The following DCLK1 variants were observed in gnomAD, a reference collection of about 807,000 sequenced individuals.
DCLK1 encodes the protein serine/threonine-protein kinase DCLK1.
Under a neutral mutation model 86.2 loss-of-function variants are expected in DCLK1, and 16 were observed. The ratio of observed to expected loss-of-function variants is 0.19; its 90% confidence interval spans 0.13 to 0.28. The LOEUF is 0.28. DCLK1 is among the 10% of genes least tolerant of loss of function. DCLK1 has a pLI of 1.00. For synonymous variants in DCLK1, 369 were observed against 370.5 expected, an observed-to-expected ratio of 1.00 and a Z score of 0.05; for missense variants, 590 against 940.2, an observed-to-expected ratio of 0.63 and a Z score of 4.87.
intron 11 of DCLK1, among the ~76,000 whole-genome samples, chr13:35,812,148 A>G (rs1341739686): frequency 6.6e-6 from 1 of 152,222 alleles, no homozygotes; most frequent in East Asian, 1.9e-4. Flanking sequence ...CTTTAATTCC[A>G]GCCACGATCA....
intron 4 of DCLK1, among the ~76,000 whole-genome samples, chr13:35,896,684 C>A (rs1302204310): frequency 6.6e-6 from 1 of 151,626 alleles, no homozygotes; most frequent in East Asian, 1.9e-4. Context: ...AGAAATCATT[C>A]CCTCGTGTCT....
At chr13:36,036,494 C>T (rs1417427000) in intron 3 of DCLK1, among the ~76,000 whole-genome samples, 2 of 152,134 alleles carry the variant, frequency 1.3e-5, no homozygotes, top group South Asian at 2.1e-4. Context: ...AACGGCAAGT[C>T]GAATAAATAC....
intron 4 of DCLK1, among the ~76,000 whole-genome samples, chr13:35,873,026 A>T (rs1360172553): frequency 6.6e-6 from 1 of 152,112 alleles, no homozygotes; most frequent in African/African-American, 2.4e-5. Context: ...TCCCCTATTG[A>T]TAGAAAGTCA....
At chr13:35,834,466 C>T (rs1284524911) in intron 8 of DCLK1, among the ~76,000 whole-genome samples, 5 of 152,196 alleles carry the variant, frequency 3.3e-5, no homozygotes, top group Non-Finnish European at 7.3e-5. Context: ...TCTTACCTGA[C>T]TGACCTTGGG....
At chr13:36,067,488 G>A (rs1453159526) in intron 3 of DCLK1, among the ~76,000 whole-genome samples, 2 of 148,476 alleles carry the variant, frequency 1.3e-5, no homozygotes, top group African/African-American at 4.9e-5. Context: ...CAGCACACCA[G>A]CATGGCACAT....
intron 5 of DCLK1, among the ~76,000 whole-genome samples, chr13:35,870,106 T>C (rs1053590344): frequency 3.3e-5 from 5 of 152,186 alleles, no homozygotes; most frequent in African/African-American, 1.2e-4. Context: ...GCAAACAAGA[T>C]GCATCTCAAG....
intron 4 of DCLK1, among the ~76,000 whole-genome samples, chr13:35,879,566 C>T (rs1036673302): frequency 1.3e-5 from 2 of 152,164 alleles, no homozygotes; most frequent in East Asian, 1.9e-4. Flanking sequence ...GAGGGATAGG[C>T]GGTTTAGCTC....
intron 4 of DCLK1, among the ~76,000 whole-genome samples, chr13:35,931,593 T>C (rs1343231731): frequency 2.0e-5 from 3 of 152,138 alleles, no homozygotes; most frequent in Non-Finnish European, 4.4e-5. Flanking sequence ...TATGTTCTGT[T>C]CTAGGTGCCA....
intron 15 of DCLK1, 111 bp from the exon 16 acceptor site, chr13:35,793,590 A>G: frequency 1.3e-6 from 1 of 766,862 alleles, no homozygotes; most frequent in Non-Finnish European, 2.1e-6. Flanking sequence ...ATAAGATGTC[A>G]GAAATAAACC....
intron 4 of DCLK1, among the ~76,000 whole-genome samples, chr13:35,935,182 G>A (rs762291202): frequency 6.6e-6 from 1 of 152,152 alleles, no homozygotes; most frequent in Non-Finnish European, 1.5e-5. Context: ...AAATAATACT[G>A]TGGTTGGAGG....
At chr13:35,829,335 C>G (rs749812717) in intron 8 of DCLK1, among the ~76,000 whole-genome samples, 1 of 152,194 alleles carries the variant, frequency 6.6e-6, no homozygotes, top group African/African-American at 2.4e-5. Flanking sequence ...TAGTAAACCA[C>G]GATTTCACAA....
intron 3 of DCLK1, among the ~76,000 whole-genome samples, chr13:36,033,005 A>G: frequency 6.6e-6 from 1 of 152,206 alleles, no homozygotes; most frequent in East Asian, 1.9e-4. Flanking sequence ...TGGATGGGTG[A>G]GGAATGGTAT....
chr13:36,102,982 G>C (rs535181715), intron 3 of DCLK1, among the ~76,000 whole-genome samples: 1 of 152,338 alleles, frequency 6.6e-6, no homozygotes, highest in South Asian at 2.1e-4. Flanking sequence ...GGAATGGCTT[G>C]ATACGTTTCC....
chr13:35,992,769 G>T (rs79376279), intron 3 of DCLK1, among the ~76,000 whole-genome samples: 2,368 of 152,198 alleles, frequency 0.016, 44 homozygotes, highest in African/African-American at 0.048. Context: ...TCCTAGGTTG[G>T]ACAATACATT....
intron 15 of DCLK1, chr13:35,805,458 A>G (rs1593608478): frequency 7.0e-6 from 3 of 428,774 alleles, no homozygotes; most frequent in East Asian, 3.9e-5. Context: ...CACTATGCCC[A>G]GCTAATTTTT....
intron 3 of DCLK1, among the ~76,000 whole-genome samples, chr13:35,992,346 C>T (rs545247621): frequency 1.3e-5 from 2 of 152,094 alleles, no homozygotes; most frequent in African/African-American, 4.8e-5. Context: ...TACATCCAGG[C>T]TCACGTTTCA....
intron 2 of DCLK1, among the ~76,000 whole-genome samples, chr13:36,121,628 T>A (rs1885995904): frequency 6.6e-6 from 1 of 152,210 alleles, no homozygotes; most frequent in Non-Finnish European, 1.5e-5. Flanking sequence ...ATACCTTGCA[T>A]CATATACATA....
intron 3 of DCLK1, among the ~76,000 whole-genome samples, chr13:35,977,192 C>T (rs1405313044): frequency 1.3e-5 from 2 of 152,152 alleles, no homozygotes; most frequent in African/African-American, 4.8e-5. Flanking sequence ...ATATAAGTTA[C>T]TTCATGCATA....
intron 5 of DCLK1, among the ~76,000 whole-genome samples, chr13:35,857,817 T>C: frequency 6.6e-6 from 1 of 152,166 alleles, no homozygotes. Flanking sequence ...CCCAGGGATC[T>C]CCTGTTTCAG....
Sources: allele counts gnomAD v4.1 joint callset (sites outside exome capture counted in the v4.1 genomes callset), GRCh38; gene constraint gnomAD v4.1.1; transcripts MANE v1.5; gene names NCBI Gene and HGNC (gene_info 2026-07-23, HGNC 2026-07-21).